Variants in PHGDH observed in about 807,000 individuals in gnomAD.
PHGDH encodes phosphoglycerate dehydrogenase.
In PHGDH, 50 loss-of-function variants were observed where a neutral mutation model predicts 52.6. The ratio of observed to expected loss-of-function variants is 0.95; its 90% confidence interval spans 0.76 to 1.20. The LOEUF is 1.20. Among genes scored for constraint, PHGDH ranks in the 50% most tolerant of loss-of-function variants. The pLI is 0.00. For synonymous variants in PHGDH, 271 were observed against 280.5 expected (o/e 0.97, Z 0.34); for missense variants, 630 against 684.6 (o/e 0.92, Z 0.89).
chr1:119,738,462 C>G (rs1057096527), intron 8 of PHGDH, among the ~76,000 whole-genome samples: 1 of 152,238 alleles, frequency 6.6e-6, no homozygotes, highest in Non-Finnish European at 1.5e-5. Flanking sequence ...TCTGACCTGT[C>G]TGCATCCTCT....
chr1:119,733,519 G>C (rs138032802), intron 5 of PHGDH, among the ~76,000 whole-genome samples: 3 of 9,206 alleles, frequency 3.3e-4, no homozygotes, highest in African/African-American at 1.7e-3. Context: ...ATTTTTTGTA[G>C]GGGGGGGGGT....
intron 3 of PHGDH, among the ~76,000 whole-genome samples, chr1:119,726,218 G>GTC (rs1253614000): frequency 1.3e-5 from 2 of 150,880 alleles, no homozygotes; most frequent in East Asian, 3.9e-4. Context: ...GTGTGTGTGT[G>GTC]TGTGTGTTGG....
intron 1 of PHGDH, among the ~76,000 whole-genome samples, chr1:119,715,528 T>A (rs1187247315): frequency 6.6e-6 from 1 of 152,210 alleles, no homozygotes; most frequent in African/African-American, 2.4e-5. Flanking sequence ...ATAGTTTCAT[T>A]GTCTTGCCCT....
At chr1:119,717,799 G>C (rs1650997426) in intron 1 of PHGDH, among the ~76,000 whole-genome samples, 1 of 152,008 alleles carries the variant, frequency 6.6e-6, no homozygotes, top group Non-Finnish European at 1.5e-5. Flanking sequence ...AGCACTCTTA[G>C]AAGTAGACCT....
At chr1:119,726,360 G>C (rs1414750688) in intron 3 of PHGDH, among the ~76,000 whole-genome samples, 3 of 152,062 alleles carry the variant, frequency 2.0e-5, no homozygotes, top group Non-Finnish European at 2.9e-5. Flanking sequence ...AGACCCTCGG[G>C]GTTAAGAAAC....
chr1:119,741,031 C>T lies in PHGDH; in HGVS notation c.1078+513C>T, dbSNP rs775713254. ...GTACCTTGGGCCGTCTGACAGCCCT[C>T]GAGAGAGAGTTTGCTCAGCCGTGGA... On this transcript the variant is annotated intron_variant, in intron 9 of 11. Coordinates refer to ENST00000641023, the MANE Select transcript of PHGDH (RefSeq NM_006623.4). 6.6e-5 allele frequency among the ~76,000 whole-genome samples: 10 copies of T among 152,242 alleles called. 1 individual carries two copies. In the East Asian group the frequency reaches 1.5e-3, roughly 24 times the overall value.
intron 2 of PHGDH, 129 bp downstream of exon 2, chr1:119,721,450 G>A: frequency 1.1e-6 from 1 of 878,562 alleles, no homozygotes; most frequent in East Asian, 2.6e-5. Context: ...AGGATGCCTG[G>A]TCTAGGGCCT....
chr1:119,736,383 C>T lies in PHGDH; in HGVS notation c.793-731C>T, dbSNP rs587648003. On this transcript the variant is annotated intron_variant, in intron 7 of 11. Transcript: ENST00000641023. Reference sequence around the variant, plus strand: ...TGGTACTTACATGGTTACATGTGGCCGGGACTCACAGGATTACATGGTTAC... The same window carrying T: ...TGGTACTTACATGGTTACATGTGGCTGGGACTCACAGGATTACATGGTTAC... Among the ~76,000 whole-genome samples the T allele has an allele frequency of 6.6e-5, 10 of 152,264 alleles. No homozygotes were observed. In the East Asian group the frequency reaches 1.7e-3, roughly 26 times the overall value.
At chr1:119,729,784 T>C (rs1651611336) in intron 5 of PHGDH, among the ~76,000 whole-genome samples, 1 of 152,176 alleles carries the variant, frequency 6.6e-6, no homozygotes, top group African/African-American at 2.4e-5. Flanking sequence ...GTCTACGGCC[T>C]GCTCATTTCA....
intron 3 of PHGDH, 162 bp downstream of exon 3, chr1:119,723,603 A>G (rs587631481): frequency 8.7e-6 from 6 of 693,582 alleles, no homozygotes; most frequent in South Asian, 7.7e-5. Flanking sequence ...TAAGGCCATC[A>G]GGTCCTCTAT....
chr1:119,733,717 G>T (rs587614622), intron 5 of PHGDH, among the ~76,000 whole-genome samples: 1 of 152,174 alleles, frequency 6.6e-6, no homozygotes, highest in African/African-American at 2.4e-5. Context: ...AAACTTGAAA[G>T]CACAGGAAAG....
chr1:119,740,239 C>T, intron 8 of PHGDH, 147 bp from the exon 9 acceptor site: 1 of 716,386 alleles, frequency 1.4e-6, no homozygotes, highest in Non-Finnish European at 2.5e-6. Flanking sequence ...TTGTTAGTGG[C>T]TGATGGAAGT....
intron 1 of PHGDH, among the ~76,000 whole-genome samples, chr1:119,714,822 T>A: frequency 6.6e-6 from 1 of 152,190 alleles, no homozygotes; most frequent in East Asian, 1.9e-4. Flanking sequence ...GGTGCTCTAG[T>A]GGGAGGATCG....
At chr1:119,718,527 CTT>C (rs1280731484) in intron 1 of PHGDH, among the ~76,000 whole-genome samples, 1 of 152,230 alleles carries the variant, frequency 6.6e-6, no homozygotes, top group African/African-American at 2.4e-5. Flanking sequence ...TCTACCAACT[CTT>C]CTTCAGTTAC....
chr1:119,727,287 G>C lies in PHGDH; in HGVS notation c.510+185G>C, dbSNP rs1651473531. ...CTGGCCTGCTGATCTGGACTCAAAA[G>C]CTGGAAATACTTGGTGGGGGTCCTT... On this transcript the variant is annotated intron_variant, in intron 5 of 11. Coordinates refer to ENST00000641023, the MANE Select transcript of PHGDH (RefSeq NM_006623.4). 1.6e-5 allele frequency: 10 copies of C among 631,112 alleles called. No homozygotes were observed. In the South Asian group the frequency reaches 1.8e-4, roughly 11 times the overall value. 39.1% of individuals were successfully genotyped at this position (631,112 alleles called of 1,614,324 possible).
intron 1 of PHGDH, among the ~76,000 whole-genome samples, chr1:119,716,992 A>T: frequency 6.6e-6 from 1 of 152,118 alleles, no homozygotes; most frequent in Non-Finnish European, 1.5e-5. Context: ...AAGAGTCTAT[A>T]AACTAGTGAA....
chr1:119,712,309 G>T, intron 1 of PHGDH, 149 bp downstream of exon 1: 2 of 719,264 alleles, frequency 2.8e-6, no homozygotes, highest in South Asian at 3.1e-5. Flanking sequence ...AAGAACGGGG[G>T]CGGGAGGAGG....
At chr1:119,731,137 G>A (rs191910211) in intron 5 of PHGDH, among the ~76,000 whole-genome samples, 2 of 152,306 alleles carry the variant, frequency 1.3e-5, no homozygotes, top group Admixed American at 1.3e-4. Context: ...GGTTGTCAGT[G>A]GCATAGCTGA....
At chr1:119,733,405 A>T (rs1330656407) in intron 5 of PHGDH, among the ~76,000 whole-genome samples, 1 of 150,340 alleles carries the variant, frequency 6.7e-6, no homozygotes, top group African/African-American at 2.5e-5. Flanking sequence ...CAGTGGCACA[A>T]TCTTGGCTCA....
Sources: gnomAD v4.1 joint callset for allele counts (sites outside exome capture counted in the v4.1 genomes callset) on GRCh38, gnomAD v4.1.1 for gene constraint, MANE v1.5 for transcripts, NCBI Gene and HGNC (gene_info 2026-07-23, HGNC 2026-07-21) for gene names.